Variants in KMO observed in about 807,000 individuals in gnomAD.
KMO encodes the protein kynurenine 3-hydroxylase.
In KMO, 24 loss-of-function variants were observed where a neutral mutation model predicts 57.8. That is an observed-to-expected ratio of 0.42 (90% CI 0.30 to 0.58). KMO has a LOEUF of 0.58. Ranked by LOEUF, KMO falls within the 20% of genes least tolerant of loss-of-function variation. The probability of loss-of-function intolerance (pLI) is 0.22; values close to 1 mark genes in which losing one functional copy is unlikely to be tolerated. For missense variants in KMO, 483 were observed against 588.2 expected, an observed-to-expected ratio of 0.82 and a Z score of 1.85; for synonymous variants, 210 against 193.6, an observed-to-expected ratio of 1.08 and a Z score of -0.70.
chr1:241,544,777 G>A (rs1661084506), intron 1 of KMO, among the ~76,000 whole-genome samples: 1 of 152,092 alleles, frequency 6.6e-6, no homozygotes, highest in South Asian at 2.1e-4. Flanking sequence ...TTTTGAGTAA[G>A]TAGGATAAAA....
intron 1 of KMO, among the ~76,000 whole-genome samples, chr1:241,544,089 G>A (rs1240204124): frequency 1.3e-5 from 2 of 152,182 alleles, no homozygotes; most frequent in African/African-American, 4.8e-5. Flanking sequence ...CTTTACTGTG[G>A]TTGAATTTTT....
chr1:241,595,294 C>T lies in KMO; in HGVS notation c.*3141C>T, dbSNP rs1446734551. On this transcript the variant is annotated 3_prime_UTR_variant, in exon 15 of 15. Transcript: ENST00000366559. Reference sequence around the variant, plus strand: ...ATATTTCTTGGCCTCCTTTCCGCTTCTCCTCTCTGCTGTTCCTCTCTACAA... The same window carrying T: ...ATATTTCTTGGCCTCCTTTCCGCTTTTCCTCTCTGCTGTTCCTCTCTACAA... 6.6e-6 allele frequency: 1 copy of T among 152,302 alleles called. No individual in the cohort carries two copies. Among genetic ancestry groups the T allele is most frequent in the Non-Finnish European group, 1.5e-5 (1 of 68,132 alleles). 9.4% of individuals were successfully genotyped at this position (152,302 alleles called of 1,614,324 possible).
Position 241,592,184 on chromosome 1 carries a change from T to C in KMO, c.*31T>C. 2 of 1,551,018 alleles carry C rather than the reference T, an allele frequency of 1.3e-6. No homozygotes were observed. The highest frequency in any genetic ancestry group is 1.8e-6 in the Non-Finnish European group (2 of 1,126,426). On this transcript the variant is annotated 3_prime_UTR_variant, in exon 15 of 15. Coordinates refer to ENST00000366559, the MANE Select transcript of KMO (RefSeq NM_003679.5). ...AGGTTTTGTGGTAGCAAATGCATGA[T>C]TTCTCTGTGACCAAAATTAAGCATG...
chr1:241,557,861 A>G (rs3007735), intron 5 of KMO, among the ~76,000 whole-genome samples: 3,418 of 152,328 alleles, frequency 0.022, 52 homozygotes, highest in Middle Eastern at 0.037. Flanking sequence ...AACAGCTTTT[A>G]CAAAAAGCAG....
In KMO at chr1:241,562,203, C is replaced by T. The variant is rs1207722438; in HGVS notation, c.486C>T (p.Leu162=). The change falls in exon 7 of 15, where the codon CTC becomes CTT. Residue 162 remains leucine, a synonymous_variant. Coordinates refer to ENST00000366559, the MANE Select transcript of KMO (RefSeq NM_003679.5). The part of the protein sequence containing the change: ...DKVPKDVTCD[L]IVGCDGAYST... ...TTCCCAAAGATGTCACTTGTGACCT[C>T]ATTGTAGGATGTGATGGAGCCTATT... The T allele has an allele frequency of 5.0e-6, 8 of 1,614,102 alleles. No homozygotes were observed. The highest frequency in any genetic ancestry group is 1.7e-5 in the Admixed American group (1 of 60,018).
intron 1 of KMO, among the ~76,000 whole-genome samples, chr1:241,542,593 C>A (rs926484290): frequency 1.3e-5 from 2 of 152,200 alleles, no homozygotes; most frequent in Non-Finnish European, 2.9e-5. Context: ...TTGTTCATGT[C>A]CTTACTGGGA....
chr1:241,542,697 C>T (rs1661001755), intron 1 of KMO, among the ~76,000 whole-genome samples: 1 of 152,222 alleles, frequency 6.6e-6, no homozygotes, highest in Admixed American at 6.5e-5. Flanking sequence ...AATTTCTTCT[C>T]TCCTGTGCTG....
In KMO at chr1:241,568,373, G is replaced by C. The variant is rs882997; in HGVS notation, c.810-127G>C. The C allele has an allele frequency of 8.3e-3, 7,706 of 925,486 alleles. 435 individuals carry two copies. The African/African-American group carries it at 0.12, about 14-fold the overall frequency. The allele number at this position is 925,486 out of a possible 1,614,324, so 57.3% of individuals were successfully genotyped here. On this transcript the variant is annotated intron_variant, in intron 9 of 14. Coordinates refer to ENST00000366559, the MANE Select transcript of KMO (RefSeq NM_003679.5). ...AAAAACTTCAGTTTTTCCCTTTTCT[G>C]TTTTCTTCTTGGCATTCTTGTTTTT...
At chr1:241,562,131 A>T in intron 6 of KMO, 36 bp from the exon 7 acceptor site, 14 of 1,591,782 alleles carry the variant, frequency 8.8e-6, no homozygotes, top group Non-Finnish European at 1.2e-5. Context: ...ACCACTAGAC[A>T]TATTTTTCTT....
At chr1:241,581,948 G>A (rs1286734694) in intron 10 of KMO, among the ~76,000 whole-genome samples, 2 of 152,022 alleles carry the variant, frequency 1.3e-5, no homozygotes, top group Non-Finnish European at 2.9e-5. Flanking sequence ...TTTCTTGTAA[G>A]ACGGATCTGG....
intron 5 of KMO, among the ~76,000 whole-genome samples, chr1:241,557,313 C>A (rs1172289431): frequency 6.6e-6 from 1 of 152,192 alleles, no homozygotes; most frequent in African/African-American, 2.4e-5. Flanking sequence ...TTGCATTCAA[C>A]GGATTTATTC....
chr1:241,562,394 A>G, intron 7 of KMO, 62 bp downstream of exon 7: 4 of 1,511,958 alleles, frequency 2.6e-6, no homozygotes, highest in Non-Finnish European at 3.6e-6. Context: ...GCGAATGCGT[A>G]TTCTAGTGCA....
At chr1:241,588,867 T>G in intron 12 of KMO, 37 bp downstream of exon 12, 1 of 1,377,566 alleles carries the variant, frequency 7.3e-7, no homozygotes, top group South Asian at 1.2e-5. Flanking sequence ...CATGAGATGG[T>G]TCACTGATAT....
At position 241,594,308 on chromosome 1, in the gene KMO, T is replaced by A; in HGVS notation, c.*2155T>A. ...GAGCATATGGGCAATTCGGATTTCCTGCTGGACCACAAGGTTCTGTTGATA... is the reference window on the plus strand; with the variant it reads ...GAGCATATGGGCAATTCGGATTTCCAGCTGGACCACAAGGTTCTGTTGATA... On this transcript the variant is annotated 3_prime_UTR_variant, in exon 15 of 15. Transcript: ENST00000366559. 1 of 1,154,462 alleles carries A rather than the reference T, an allele frequency of 8.7e-7. No individual in the cohort carries two copies. The highest frequency in any genetic ancestry group is 1.5e-5 in the South Asian group (1 of 65,198). 71.5% of individuals were successfully genotyped at this position (1,154,462 alleles called of 1,614,324 possible).
chr1:241,541,199 T>C (rs1238748603), intron 1 of KMO, among the ~76,000 whole-genome samples: 1 of 152,110 alleles, frequency 6.6e-6, no homozygotes, highest in Non-Finnish European at 1.5e-5. Flanking sequence ...AGGACAGAGC[T>C]GTGGGTAGCA....
At chr1:241,591,921 CAAATG>C in intron 14 of KMO, 27 bp from the exon 15 acceptor site, 3 of 1,559,120 alleles carry the variant, frequency 1.9e-6, no homozygotes, top group South Asian at 2.2e-5. Context: ...AATCTCTGGA[CAAATG>C]AAATGAGAGT....
rs1286487502 is a variant in KMO at position 241,555,224 on chromosome 1, A to G, written c.313-388A>G. Among the ~76,000 whole-genome samples, 3 of 152,304 alleles carry G rather than the reference A, an allele frequency of 2.0e-5. No individual in the cohort carries two copies. In the Middle Eastern group the frequency reaches 0.01, roughly 518 times the overall value. ...CAAAGTTGTCTCTTCAGGAAATAGC[A>G]CTTTGATTCTAGTGATACTGTCATG... On this transcript the variant is annotated intron_variant, in intron 4 of 14. Coordinates refer to ENST00000366559, the MANE Select transcript of KMO (RefSeq NM_003679.5).
rs1002928487 is a variant in KMO, at chr1:241,594,014, A to G, written c.*1861A>G. On this transcript the variant is annotated 3_prime_UTR_variant, in exon 15 of 15. Coordinates refer to ENST00000366559, the MANE Select transcript of KMO (RefSeq NM_003679.5). ...AGGACATGACACTGAATAGAGTCCAACAGTACAAAAAAAATTCAGTATGTT... is the reference window on the plus strand; with the variant it reads ...AGGACATGACACTGAATAGAGTCCAGCAGTACAAAAAAAATTCAGTATGTT... The G allele has an allele frequency of 1.1e-5, 2 of 175,196 alleles. No individual in the cohort carries two copies. Among genetic ancestry groups the G allele is most frequent in the Admixed American group, 5.7e-5 (1 of 17,520 alleles). The allele number at this position is 175,196 out of a possible 1,614,324, so 10.9% of individuals were successfully genotyped here. A position where few individuals can be genotyped will look rare whatever the true frequency, so the allele number is the denominator to read the frequency against.
chr1:241,545,888 C>A (rs1661129396), intron 1 of KMO, among the ~76,000 whole-genome samples: 1 of 152,046 alleles, frequency 6.6e-6, no homozygotes, highest in Non-Finnish European at 1.5e-5. Context: ...CACGCTAAAC[C>A]CCTCAGCAAG....
Sources: allele counts gnomAD v4.1 joint callset (sites outside exome capture counted in the v4.1 genomes callset), GRCh38; gene constraint gnomAD v4.1.1; transcripts MANE v1.5; gene names NCBI Gene and HGNC (gene_info 2026-07-23, HGNC 2026-07-21).